CACNB2: variants seen among roughly 807,000 people sequenced by gnomAD.
CACNB2 encodes the protein voltage-dependent L-type calcium channel subunit beta-2.
A neutral mutation model predicts 73.3 loss-of-function variants in CACNB2; 42 were observed. The ratio of observed to expected loss-of-function variants is 0.57; its 90% CI spans 0.45 to 0.74. The LOEUF (loss-of-function observed/expected upper bound fraction) is 0.74, where lower values mean the gene tolerates loss of function less well. Ranked by LOEUF, CACNB2 falls within the 30% of genes least tolerant of loss-of-function variation. The pLI, the probability that CACNB2 is intolerant of heterozygous loss-of-function variation, is 0.00. For synonymous variants in CACNB2, 348 were observed against 310.3 expected, an observed-to-expected ratio of 1.12 and a Z score of -1.28; for missense variants, 940 against 853.0, an observed-to-expected ratio of 1.10 and a Z score of -1.27.
chr10:18,510,523 G>A (rs554232728), intron 6 of CACNB2, among the ~76,000 whole-genome samples: 5 of 152,270 alleles, frequency 3.3e-5, no homozygotes, highest in South Asian at 4.1e-4. Flanking sequence ...GGTTGGCCTC[G>A]AATTCCTGAC....
chr10:18,516,697 A>G (rs538003058), intron 7 of CACNB2, among the ~76,000 whole-genome samples: 1 of 152,370 alleles, frequency 6.6e-6, no homozygotes, highest in East Asian at 1.9e-4. Flanking sequence ...TCAATGTAGA[A>G]TTCAAAAACA....
intron 3 of CACNB2, among the ~76,000 whole-genome samples, chr10:18,472,320 T>C (rs2048235109): frequency 7.0e-6 from 1 of 141,884 alleles, no homozygotes; most frequent in African/African-American, 2.6e-5. Context: ...CACTGCAACC[T>C]CTACCTCCTG....
intron 2 of CACNB2, among the ~76,000 whole-genome samples, chr10:18,267,915 A>G (rs1399574544): frequency 6.6e-6 from 1 of 152,114 alleles, no homozygotes; most frequent in African/African-American, 2.4e-5. Flanking sequence ...TTACTTCATC[A>G]CTCTGTGCCT....
At chr10:18,305,394 T>C (rs577628746) in intron 2 of CACNB2, among the ~76,000 whole-genome samples, 1 of 152,296 alleles carries the variant, frequency 6.6e-6, no homozygotes, top group South Asian at 2.1e-4. Context: ...AGGTAAAACA[T>C]GTAACTGGGG....
At chr10:18,329,379 A>G (rs1181142038) in intron 2 of CACNB2, among the ~76,000 whole-genome samples, 1 of 152,194 alleles carries the variant, frequency 6.6e-6, no homozygotes, top group Non-Finnish European at 1.5e-5. Context: ...TTCCACAAAC[A>G]AAAGAAAAGT....
chr10:18,208,887 A>G (rs1437854114), intron 2 of CACNB2, among the ~76,000 whole-genome samples: 1 of 152,172 alleles, frequency 6.6e-6, no homozygotes, highest in Non-Finnish European at 1.5e-5. Flanking sequence ...ACTGATGCGT[A>G]TACATCCACA....
chr10:18,230,142 A>T (rs1479003213), intron 2 of CACNB2, among the ~76,000 whole-genome samples: 1 of 152,226 alleles, frequency 6.6e-6, no homozygotes, highest in East Asian at 1.9e-4. Context: ...TAGTTGGTTC[A>T]AAAGGGCTAA....
At chr10:18,521,401 A>G (rs1395536788) in intron 9 of CACNB2, among the ~76,000 whole-genome samples, 1 of 152,166 alleles carries the variant, frequency 6.6e-6, no homozygotes, top group Non-Finnish European at 1.5e-5. Context: ...CATTATGTGT[A>G]AGGCAACTCA....
chr10:18,479,541 C>T (rs2048613073), intron 3 of CACNB2, among the ~76,000 whole-genome samples: 1 of 152,124 alleles, frequency 6.6e-6, no homozygotes. Context: ...TCTGTGTCCC[C>T]ACCCAAATCT....
intron 9 of CACNB2, among the ~76,000 whole-genome samples, chr10:18,521,650 G>A (rs975900613): frequency 5.9e-5 from 9 of 152,220 alleles, no homozygotes; most frequent in African/African-American, 2.2e-4. Context: ...TTGAAAGGCA[G>A]TCTTGAATCA....
At chr10:18,459,891 G>A (rs935737574) in intron 3 of CACNB2, among the ~76,000 whole-genome samples, 3 of 152,084 alleles carry the variant, frequency 2.0e-5, no homozygotes, top group Non-Finnish European at 2.9e-5. Flanking sequence ...TCAGCTACTC[G>A]GGAGGCTGAG....
chr10:18,175,609 C>T (rs2131178561), intron 2 of CACNB2, among the ~76,000 whole-genome samples: 1 of 152,088 alleles, frequency 6.6e-6, no homozygotes, highest in East Asian at 1.9e-4. Context: ...TTTTTAAGTA[C>T]TTCTTTGAGA....
In CACNB2 at chr10:18,538,216, G is replaced by C; in HGVS notation, c.1339G>C (p.Glu447Gln). 6.2e-7 allele frequency: 1 copy of C among 1,614,132 alleles called. No homozygotes were observed. Among genetic ancestry groups the C allele is most frequent in the Non-Finnish European group, 8.5e-7 (1 of 1,180,016 alleles). The change falls in exon 13 of 14, where the codon GAG becomes CAG. Residue 447 changes from glutamate to glutamine, a missense_variant. Physicochemically the swap from Glu to Gln is conservative, Grantham distance 29 (BLOSUM62 2). Transcript: ENST00000324631. ...TGTGATCTTGGATGAGAACCAGCTT[G>C]AGGATGCCTGTGAGCACCTTGCCGA... is the stretch of plus-strand genomic sequence containing the variant. ...FDVILDENQLEDACEHLADYL... is the reference protein window; with the variant it reads ...FDVILDENQLQDACEHLADYL...
At chr10:18,398,687 ACACATACACACACACACACACACACAC>A (rs2043834916) in intron 2 of CACNB2, among the ~76,000 whole-genome samples, 2 of 73,996 alleles carry the variant, frequency 2.7e-5, no homozygotes, top group South Asian at 4.3e-4. Context: ...ACACACACAC[ACACATACACACACACACACACACACAC>A]AATTGTTTTT....
At chr10:18,260,635 TCAGG>T in intron 2 of CACNB2, 4 of 987,110 alleles carry the variant, frequency 4.1e-6, no homozygotes, top group Non-Finnish European at 4.8e-6. Context: ...TTTTTCAGGG[TCAGG>T]GGAGGAGGGA....
chr10:18,306,557 A>G (rs1420137261), intron 2 of CACNB2, among the ~76,000 whole-genome samples: 1 of 152,242 alleles, frequency 6.6e-6, no homozygotes, highest in East Asian at 1.9e-4. Context: ...AGAAGAGTCT[A>G]TTGTAAAATA....
At chr10:18,385,793 C>T (rs1247931020) in intron 2 of CACNB2, among the ~76,000 whole-genome samples, 1 of 152,028 alleles carries the variant, frequency 6.6e-6, no homozygotes, top group Admixed American at 6.5e-5. Flanking sequence ...TTCACATTAG[C>T]ATGTATCGCT....
chr10:18,295,417 A>C (rs1375367072), intron 2 of CACNB2, among the ~76,000 whole-genome samples: 1 of 152,204 alleles, frequency 6.6e-6, no homozygotes, highest in African/African-American at 2.4e-5. Context: ...TGGCAATACA[A>C]AAATAATGGA....
intron 2 of CACNB2, among the ~76,000 whole-genome samples, chr10:18,158,414 A>G (rs1391476130): frequency 6.6e-6 from 1 of 152,228 alleles, no homozygotes; most frequent in African/African-American, 2.4e-5. Flanking sequence ...ATGTGCTATA[A>G]GAGATTCAAT....
Sources: gnomAD v4.1 joint callset for allele counts (sites outside exome capture counted in the v4.1 genomes callset) on GRCh38, gnomAD v4.1.1 for gene constraint, MANE v1.5 for transcripts, NCBI Gene and HGNC (gene_info 2026-07-23, HGNC 2026-07-21) for gene names.